Variants in COL16A1 observed in about 807,000 individuals in gnomAD.
The protein encoded by COL16A1 is collagen alpha-1(XVI) chain.
A neutral mutation model predicts 266.3 loss-of-function variants in COL16A1; 189 were observed. The observed-to-expected ratio is 0.71, with a 90% confidence interval of 0.63 to 0.80. The LOEUF is 0.80. COL16A1 is among the 30% of genes least tolerant of loss of function. The probability of loss-of-function intolerance (pLI) is 0.00; values close to 1 mark genes in which losing one functional copy is unlikely to be tolerated. For missense variants in COL16A1, 1,928 were observed against 2,122.4 expected (o/e 0.91, Z 1.80); for synonymous variants, 740 against 782.3 (o/e 0.95, Z 0.90).
Position 31,654,053 on chromosome 1 carries a change from A to AG in COL16A1, c.4358-11_4358-10insC. On this transcript the variant is annotated splice_polypyrimidine_tract_variant and intron_variant, in intron 68 of 70. Coordinates refer to ENST00000373672, the MANE Select transcript of COL16A1 (RefSeq NM_001856.4). ...TAGTAAGCCATTCTCTCTGTAAAAA[A>AG]AGGACAAGGACAGGGACAGGTCAGA... is the stretch of plus-strand genomic sequence containing the variant. 6.2e-7 allele frequency: 1 copy of AG among 1,611,262 alleles called. No individual in the cohort carries two copies. Among genetic ancestry groups the AG allele is most frequent in the East Asian group, 2.2e-5 (1 of 44,864 alleles).
rs1176152433 is a variant in COL16A1, at chr1:31,681,071, AAGAG to A, written c.2539-8_2539-5del. 6.2e-7 allele frequency: 1 copy of A among 1,611,234 alleles called. No homozygotes were observed. Among genetic ancestry groups the A allele is most frequent in the Admixed American group, 1.7e-5 (1 of 59,762 alleles). Reference sequence around the variant, plus strand: ...GTCCTTGCTGCCCATCACGGCCCTGAAGAGAGAGAGCCCAGAGTCAGAGGGTGAG... The same window carrying A: ...GTCCTTGCTGCCCATCACGGCCCTGAAGAGAGCCCAGAGTCAGAGGGTGAG... On this transcript the variant is annotated splice_polypyrimidine_tract_variant and splice_region_variant and intron_variant, in intron 37 of 70. Transcript: ENST00000373672.
rs58530152 is a variant in COL16A1, at chr1:31,656,823, TAAA to T, written c.4056+207_4056+209del. 4,736 of 474,534 alleles carry T rather than the reference TAAA, an allele frequency of 1.0e-2. No homozygotes were observed. Among genetic ancestry groups the T allele is most frequent in the South Asian group, 0.013 (397 of 31,594 alleles). 29.4% of individuals were successfully genotyped at this position (474,534 alleles called of 1,614,324 possible). A position where few individuals can be genotyped will look rare whatever the true frequency, so the allele number is the denominator to read the frequency against. ...TTTCTTTTTGACCAGGTACAGGGTTTAAAAAAAAAAAAAAAAAGGTAAAACAAA... is the reference window on the plus strand; with the variant it reads ...TTTCTTTTTGACCAGGTACAGGGTTTAAAAAAAAAAAAAAGGTAAAACAAA... On this transcript the variant is annotated intron_variant, in intron 65 of 70. Transcript: ENST00000373672. This position sits in a 1 kb window ranked among gnomAD's most constrained non-coding sequence, Gnocchi z 4.2.
intron 31 of COL16A1, 60 bp downstream of exon 31, chr1:31,684,463 C>A (rs924929720): frequency 3.1e-5 from 49 of 1,579,402 alleles, no homozygotes; most frequent in Non-Finnish European, 7.7e-6. Flanking sequence ...CTCACTGGTG[C>A]GACACCTGAT....
chr1:31,686,244 T>C lies in COL16A1; in HGVS notation c.1839A>G (p.Pro613=). The C allele has an allele frequency of 1.2e-6, 2 of 1,614,178 alleles. No homozygotes were observed. Among genetic ancestry groups the C allele is most frequent in the Non-Finnish European group, 1.7e-6 (2 of 1,180,034 alleles). Residue 613 remains proline (P), a splice_region_variant and synonymous_variant, in exon 27 of 71, where the codon CCA becomes CCG. Transcript: ENST00000373672. ...CTGTTGCCATCCAAAACATACTTAC[T>C]GGACTGCCAGCTGGCCCTGCCTCCC... ...NFGEAGPAGS[P]GPPGPVGPAG... is the part of the protein sequence containing the mutation.
At chr1:31,687,758 G>GC (rs1162661354) in intron 26 of COL16A1, among the ~76,000 whole-genome samples, 3 of 152,066 alleles carry the variant, frequency 2.0e-5, no homozygotes, top group African/African-American at 7.2e-5. Flanking sequence ...GGGTGCAAAG[G>GC]CCCCACATGT....
chr1:31,694,850 G>A (rs1644424930), intron 11 of COL16A1, among the ~76,000 whole-genome samples: 1 of 152,196 alleles, frequency 6.6e-6, no homozygotes, highest in African/African-American at 2.4e-5. Flanking sequence ...GAGAATGAAG[G>A]AAGCCTCCAC....
chr1:31,683,968 TG>T lies in COL16A1; in HGVS notation c.2318del (p.Pro773GlnfsTer3). 2.5e-6 allele frequency: 4 copies of T among 1,614,124 alleles called. No homozygotes were observed. The highest frequency in any genetic ancestry group is 3.4e-6 in the Non-Finnish European group (4 of 1,180,010). On this transcript the variant is annotated frameshift_variant, in exon 33 of 71. Transcript: ENST00000373672. LOFTEE classifies it high-confidence loss of function. Reference sequence around the variant, plus strand: ...CACATACCTGCACGCCCTTCAGTCCTGGGGGCCCTTGAACTCCTGGTAGACC... The same window carrying T: ...CACATACCTGCACGCCCTTCAGTCCTGGGGCCCTTGAACTCCTGGTAGACC... The part of the protein sequence containing the change: ...QPGLPGVQGP[P>X]GLKGVQGEPG...
At chr1:31,667,520 G>C in intron 52 of COL16A1, 55 bp downstream of exon 52, 1 of 1,470,790 alleles carries the variant, frequency 6.8e-7, no homozygotes, top group Non-Finnish European at 9.3e-7. Flanking sequence ...TCCAGCCCGA[G>C]ACTGTGTGGC....
rs554962991 is a variant in COL16A1, at chr1:31,696,141, C to T, written c.865G>A (p.Val289Met). The change falls in exon 9 of 71, where the codon GTG becomes ATG. Residue 289 changes from valine (V) to methionine (M), a missense_variant and splice_region_variant. Val to Met is a conservative substitution (Grantham distance 21, BLOSUM62 1). Transcript: ENST00000373672. ...FCLEEPQNSE[V>M]DAQLTGRISQ... ...ATTCTTCCCGTCAGCTGGGCATCCACCTGGGCAGACAGAGCAAAGAGAAAC... is the reference window on the plus strand; with the variant it reads ...ATTCTTCCCGTCAGCTGGGCATCCATCTGGGCAGACAGAGCAAAGAGAAAC... 2 of 1,613,570 alleles carry T rather than the reference C, an allele frequency of 1.2e-6. No homozygotes were observed. The highest frequency in any genetic ancestry group is 1.7e-5 in the Admixed American group (1 of 59,990).
Position 31,698,670 on chromosome 1 carries a change from A to G in COL16A1, c.267-64T>C. 1 of 1,593,854 alleles carries G rather than the reference A, an allele frequency of 6.3e-7. No homozygotes were observed. The highest frequency in any genetic ancestry group is 8.5e-7 in the Non-Finnish European group (1 of 1,172,800). ...GAGGACCCAAATGCTGCCCACCCTG[A>G]GCCCTCAGGACTGCTGAGCCTACCC... On this transcript the variant is annotated intron_variant, in intron 4 of 70. Coordinates refer to ENST00000373672, the MANE Select transcript of COL16A1 (RefSeq NM_001856.4). The surrounding 1 kb of genome is among the most constrained non-coding windows in gnomAD (Gnocchi z 4.1).
rs371103728 is a variant in COL16A1 at position 31,697,217 on chromosome 1, C to T, written c.738+3G>A. ...TGGGCAGCCCAAGGGCCGGGCCACTCACCCCTGCTGGTAAAATCTCACAGC... is the reference window on the plus strand; with the variant it reads ...TGGGCAGCCCAAGGGCCGGGCCACTTACCCCTGCTGGTAAAATCTCACAGC... On this transcript the variant is annotated splice_donor_region_variant and intron_variant, in intron 7 of 70. Transcript: ENST00000373672. This position sits in a 1 kb window ranked among gnomAD's most constrained non-coding sequence, Gnocchi z 4.2. 5.5e-5 allele frequency: 89 copies of T among 1,613,154 alleles called. No homozygotes were observed. Among genetic ancestry groups the T allele is most frequent in the Non-Finnish European group, 7.0e-5 (83 of 1,179,686 alleles).
intron 13 of COL16A1, 56 bp from the exon 14 acceptor site, chr1:31,692,864 T>C: frequency 1.9e-6 from 3 of 1,543,788 alleles, no homozygotes; most frequent in Non-Finnish European, 2.7e-6. Flanking sequence ...GTCCCCTAGA[T>C]GTGTTGTGAG....
In COL16A1 at chr1:31,702,106, C is replaced by T; in HGVS notation, c.73+15G>A. 5 of 1,614,050 alleles carry T rather than the reference C, an allele frequency of 3.1e-6. No homozygotes were observed. The highest frequency in any genetic ancestry group is 1.1e-5 in the South Asian group (1 of 91,066). On this transcript the variant is annotated intron_variant, in intron 2 of 70. Transcript: ENST00000373672. ...TGCAGGCCTGTGATACTGTGACTCT[C>T]CTGTGTCATCTCACCTGTATTTGCC...
Position 31,683,719 on chromosome 1 carries a change from G to A in COL16A1, c.2367C>T (p.Val789=). Reference sequence around the variant, plus strand: ...GCTAGAGACTCACCTGGGGTCCCTGGACTCCCCTTCCTGGAGGCCCTGGCT... The same window carrying A: ...GCTAGAGACTCACCTGGGGTCCCTGAACTCCCCTTCCTGGAGGCCCTGGCT... The part of the protein sequence containing the change: ...QGEPGPPGRG[V]QGPQGEPGAP... Residue 789 remains valine, a synonymous_variant, in exon 34 of 71, where the codon GTC becomes GTT. Coordinates refer to ENST00000373672, the MANE Select transcript of COL16A1 (RefSeq NM_001856.4). 6.2e-7 allele frequency: 1 copy of A among 1,614,152 alleles called. No individual in the cohort carries two copies. The highest frequency in any genetic ancestry group is 8.5e-7 in the Non-Finnish European group (1 of 1,180,006).
At position 31,682,975 on chromosome 1, in the gene COL16A1, C is replaced by A. The variant is rs374104776; in HGVS notation, c.2497G>T (p.Gly833Ter). 1 of 1,613,974 alleles carries A rather than the reference C, an allele frequency of 6.2e-7. No individual in the cohort carries two copies. Among genetic ancestry groups the A allele is most frequent in the South Asian group, 1.1e-5 (1 of 91,076 alleles). ...CTGGCCCCAGGAGGTCCCACAGGTC[C>A]GGTGGCTCCTTTCACCCCTGGAGAT... ...QGSPGVKGAT[G>*]PVGPPGASVS... The change falls in exon 37 of 71, where the codon GGA becomes TGA. Residue 833 changes from glycine (G) to a stop codon, truncating the protein, a stop_gained. Transcript: ENST00000373672. LOFTEE classifies it high-confidence loss of function.
chr1:31,664,825 G>C lies in COL16A1; in HGVS notation c.3555+347C>G, dbSNP rs998140746. Among the ~76,000 whole-genome samples the C allele has an allele frequency of 6.6e-6, 1 of 152,032 alleles. No individual in the cohort carries two copies. The highest frequency in any genetic ancestry group is 1.5e-5 in the Non-Finnish European group (1 of 67,992). ...TCGCTCATCCTCCCGCCCAGGAGACGAAGGTGGCCTGGGCTGCCTATCACA... is the reference window on the plus strand; with the variant it reads ...TCGCTCATCCTCCCGCCCAGGAGACCAAGGTGGCCTGGGCTGCCTATCACA... On this transcript the variant is annotated intron_variant, in intron 56 of 70. Transcript: ENST00000373672. This position sits in a 1 kb window ranked among gnomAD's most constrained non-coding sequence, Gnocchi z 5.5.
Position 31,688,915 on chromosome 1 carries a change from G to A in COL16A1, c.1713C>T (p.Ser571=), listed in dbSNP as rs776440239. The A allele has an allele frequency of 1.2e-6, 2 of 1,614,012 alleles. No homozygotes were observed. The highest frequency in any genetic ancestry group is 2.2e-5 in the East Asian group (1 of 44,888). ...AACCCACATCTCCACTGGCCCCTGT[G>A]GAGGACACAAGATGCTGGGCCCCTA... ...SVVGAQHLVS[S]TGASGDVGSP... Residue 571 remains serine, a synonymous_variant, in exon 25 of 71, where the codon TCC becomes TCT. Transcript: ENST00000373672. This position sits in a 1 kb window ranked among gnomAD's most constrained non-coding sequence, Gnocchi z 4.9.
intron 17 of COL16A1, 132 bp from the exon 18 acceptor site, chr1:31,691,774 A>G (rs1200972544): frequency 2.4e-6 from 3 of 1,265,428 alleles, no homozygotes; most frequent in South Asian, 1.5e-5. Context: ...TGGTGCCCCA[A>G]GGTCAGCACA....
chr1:31,656,563 A>G lies in COL16A1; in HGVS notation c.4057-119T>C, dbSNP rs7545321. The G allele has an allele frequency of 0.61, 884,451 of 1,456,348 alleles. 272,398 individuals are homozygous for G. Among genetic ancestry groups the G allele is most frequent in the South Asian group, 0.66 (49,137 of 74,284 alleles). The allele number at this position is 1,456,348 out of a possible 1,614,324, so 90.2% of individuals were successfully genotyped here. On this transcript the variant is annotated intron_variant, in intron 65 of 70. Transcript: ENST00000373672. The surrounding 1 kb of genome is among the most constrained non-coding windows in gnomAD (Gnocchi z 4.2). ...TGAGGCCCCCAGGTGTGTCCAGCCC[A>G]GCTCTGTGTGAGAAAGGAGCGCAGC... is the stretch of plus-strand genomic sequence containing the variant.
Sources: allele counts gnomAD v4.1 joint callset (sites outside exome capture counted in the v4.1 genomes callset), GRCh38; gene constraint gnomAD v4.1.1; non-coding constraint Gnocchi (gnomAD v3.1); transcripts MANE v1.5; gene names NCBI Gene and HGNC (gene_info 2026-07-23, HGNC 2026-07-21).